IMPG1: variants seen among roughly 807,000 people sequenced by gnomAD.
IMPG1 encodes interphotoreceptor matrix proteoglycan of 150 kDa.
A neutral mutation model predicts 92.0 loss-of-function variants in IMPG1; 85 were observed. The observed-to-expected ratio is 0.92, with a 90% CI of 0.78 to 1.11. IMPG1 has a LOEUF of 1.11. IMPG1 is among the 50% of genes least tolerant of loss of function. The probability of loss-of-function intolerance (pLI) is 0.00; values close to 1 mark genes in which losing one functional copy is unlikely to be tolerated. For synonymous variants in IMPG1, 367 were observed against 334.1 expected, an observed-to-expected ratio of 1.10 and a Z score of -1.08; for missense variants, 1,022 against 956.0, an observed-to-expected ratio of 1.07 and a Z score of -0.91.
chr6:75,960,235 T>C (rs1782194186), intron 12 of IMPG1, among the ~76,000 whole-genome samples: 1 of 152,100 alleles, frequency 6.6e-6, no homozygotes. Flanking sequence ...ATGAGTTGGG[T>C]ACCTCAGTTG....
intron 1 of IMPG1, among the ~76,000 whole-genome samples, chr6:76,070,312 A>T (rs754801936): frequency 1.1e-4 from 17 of 152,180 alleles, no homozygotes; most frequent in Non-Finnish European, 2.4e-4. Flanking sequence ...GCTATTTTTC[A>T]AAAGTCAGAA....
chr6:75,981,264 G>A (rs1782622654), intron 12 of IMPG1, among the ~76,000 whole-genome samples: 1 of 152,136 alleles, frequency 6.6e-6, no homozygotes, highest in African/African-American at 2.4e-5. Flanking sequence ...TCCATAAAGA[G>A]GAAATGCTGC....
chr6:76,055,504 A>G (rs1784106289), intron 1 of IMPG1, among the ~76,000 whole-genome samples: 1 of 150,102 alleles, frequency 6.7e-6, no homozygotes, highest in Admixed American at 6.7e-5. Flanking sequence ...AGAGTGGTGT[A>G]AGAAAACAAA....
intron 12 of IMPG1, among the ~76,000 whole-genome samples, chr6:75,979,715 A>C (rs530120346): frequency 3.9e-5 from 6 of 152,344 alleles, no homozygotes; most frequent in Non-Finnish European, 7.3e-5. Context: ...AGAAGTTTTG[A>C]GTTAAGGAAA....
chr6:75,976,909 T>TAA (rs35200516), intron 12 of IMPG1, among the ~76,000 whole-genome samples: 1 of 138,632 alleles, frequency 7.2e-6, no homozygotes, highest in Admixed American at 7.1e-5. Context: ...GATTCCGTCT[T>TAA]AAAAAAAAAA....
At chr6:76,055,227 C>T (rs1354668204) in intron 1 of IMPG1, among the ~76,000 whole-genome samples, 1 of 151,700 alleles carries the variant, frequency 6.6e-6, no homozygotes, top group South Asian at 2.1e-4. Flanking sequence ...TGTTCTCAGA[C>T]TAATAGAGAA....
chr6:76,019,589 T>C (rs1457805146), intron 6 of IMPG1, among the ~76,000 whole-genome samples: 1 of 152,174 alleles, frequency 6.6e-6, no homozygotes, highest in Admixed American at 6.5e-5. Context: ...GCATGGACAA[T>C]ACTACAGCCT....
chr6:75,933,636 G>T lies in IMPG1; in HGVS notation c.2045-2485C>A, dbSNP rs564601127. Among the ~76,000 whole-genome samples the T allele has an allele frequency of 1.2e-4, 18 of 152,192 alleles. No homozygotes were observed. The South Asian group carries it at 3.7e-3, about 32-fold the overall frequency. On this transcript the variant is annotated intron_variant, in intron 14 of 16. Coordinates refer to ENST00000369950, the MANE Select transcript of IMPG1 (RefSeq NM_001563.4). ...AGATCCAGGTCCAGCCTGGCCAGAGGTCCGGGCCTAGTCTACTAGCATCCC... is the reference window on the plus strand; with the variant it reads ...AGATCCAGGTCCAGCCTGGCCAGAGTTCCGGGCCTAGTCTACTAGCATCCC...
rs140744883 is a variant in IMPG1, at chr6:75,968,473, A to G, written c.1292-17379T>C. Among the ~76,000 whole-genome samples the G allele has an allele frequency of 4.9e-3, 728 of 149,788 alleles. 2 individuals are homozygous for G. Among genetic ancestry groups the G allele is most frequent in the African/African-American group, 0.015 (611 of 41,450 alleles). ...ATTCTACTTTTGTGAAGATACTTCT[A>G]TCTATCCTTTTATCTTTTAAAATGC... On this transcript the variant is annotated intron_variant, in intron 12 of 16. Coordinates refer to ENST00000369950, the MANE Select transcript of IMPG1 (RefSeq NM_001563.4).
At chr6:75,988,441 T>C (rs1016063157) in intron 12 of IMPG1, among the ~76,000 whole-genome samples, 12 of 152,226 alleles carry the variant, frequency 7.9e-5, no homozygotes, top group African/African-American at 2.4e-4. Context: ...TGTCTGTTCA[T>C]ATCGTTTGCC....
At chr6:76,000,424 C>T (rs919454488) in intron 12 of IMPG1, among the ~76,000 whole-genome samples, 1 of 152,170 alleles carries the variant, frequency 6.6e-6, no homozygotes, top group Non-Finnish European at 1.5e-5. Context: ...ATTTTCTCTT[C>T]CATTTTTCTT....
chr6:76,061,950 C>G (rs188371260), intron 1 of IMPG1, among the ~76,000 whole-genome samples: 2 of 152,302 alleles, frequency 1.3e-5, no homozygotes, highest in Admixed American at 1.3e-4. Flanking sequence ...AAAGCTATCT[C>G]ACCTTTATGT....
At chr6:76,021,332 C>T (rs1387387576) in intron 6 of IMPG1, among the ~76,000 whole-genome samples, 1 of 152,152 alleles carries the variant, frequency 6.6e-6, no homozygotes, top group Non-Finnish European at 1.5e-5. Context: ...TCTCATGCCT[C>T]CCTAAAACGT....
chr6:76,007,479 C>T lies in IMPG1; in HGVS notation c.887+1G>A, dbSNP rs755593546. 1 of 1,596,840 alleles carries T rather than the reference C, an allele frequency of 6.3e-7. No homozygotes were observed. The highest frequency in any genetic ancestry group is 1.1e-5 in the South Asian group (1 of 88,876). On this transcript the variant is annotated splice_donor_variant, in intron 9 of 16. Transcript: ENST00000369950. LOFTEE classifies it high-confidence loss of function. ...ATTTCAAAACTTAAAGTCCAAATTACCCATCTTTTTCTTTCTTTGGTCTTC... is the reference window on the plus strand; with the variant it reads ...ATTTCAAAACTTAAAGTCCAAATTATCCATCTTTTTCTTTCTTTGGTCTTC...
rs966647440 is a variant in IMPG1, at chr6:76,011,565, T to C, written c.808-341A>G. Among the ~76,000 whole-genome samples the C allele has an allele frequency of 2.6e-5, 4 of 151,902 alleles. No homozygotes were observed. The South Asian group carries it at 8.3e-4, about 31-fold the overall frequency. ...AGGTGGTATTTGAAGGAAACTTTTT[T>C]ATTTTATTTTATTTTATTTATTTAT... is the stretch of plus-strand genomic sequence containing the variant. On this transcript the variant is annotated intron_variant, in intron 7 of 16. Transcript: ENST00000369950.
chr6:76,060,939 C>T (rs998714784), intron 1 of IMPG1, among the ~76,000 whole-genome samples: 2 of 152,046 alleles, frequency 1.3e-5, no homozygotes, highest in Non-Finnish European at 2.9e-5. Context: ...TTTCTTGCTT[C>T]AGATGAATTA....
chr6:75,970,130 T>A lies in IMPG1; in HGVS notation c.1292-19036A>T, dbSNP rs545093159. Among the ~76,000 whole-genome samples the A allele has an allele frequency of 8.5e-5, 13 of 152,264 alleles. No homozygotes were observed. In the South Asian group the frequency reaches 1.9e-3, roughly 22 times the overall value. ...TCTAGACACTGTACAAAGGATATTTTAAAAAAATTCTCCATTTGCCCCAAG... is the reference window on the plus strand; with the variant it reads ...TCTAGACACTGTACAAAGGATATTTAAAAAAAATTCTCCATTTGCCCCAAG... On this transcript the variant is annotated intron_variant, in intron 12 of 16. Coordinates refer to ENST00000369950, the MANE Select transcript of IMPG1 (RefSeq NM_001563.4).
intron 12 of IMPG1, among the ~76,000 whole-genome samples, chr6:75,968,581 C>T (rs1582073783): frequency 6.8e-6 from 1 of 147,870 alleles, no homozygotes; most frequent in Non-Finnish European, 1.5e-5. Flanking sequence ...AAATTTTAGC[C>T]TTTTTTTTTT....
At chr6:76,024,907 T>C (rs1484294802) in intron 5 of IMPG1, 1 of 480,198 alleles carries the variant, frequency 2.1e-6, no homozygotes, top group East Asian at 5.8e-5. Flanking sequence ...CTCAGTAATA[T>C]GTGTATATAA....
Sources: gnomAD v4.1 joint callset for allele counts (sites outside exome capture counted in the v4.1 genomes callset) on GRCh38, gnomAD v4.1.1 for gene constraint, MANE v1.5 for transcripts, NCBI Gene and HGNC (gene_info 2026-07-23, HGNC 2026-07-21) for gene names.